PSMB1: variants seen among roughly 807,000 people sequenced by gnomAD.
PSMB1 encodes proteasome 20S subunit beta 1.
PSMB1 carries 7 observed loss-of-function variants against 25.4 expected under a neutral mutation model. The ratio of observed to expected loss-of-function variants is 0.28; its 90% confidence interval spans 0.16 to 0.52. The LOEUF is 0.52. PSMB1 is among the 20% of genes least tolerant of loss of function. The probability of loss-of-function intolerance (pLI) is 0.97; values close to 1 mark genes in which losing one functional copy is unlikely to be tolerated. For synonymous variants in PSMB1, 119 were observed against 115.0 expected, an observed-to-expected ratio of 1.03 and a Z score of -0.22; for missense variants, 284 against 302.2, an observed-to-expected ratio of 0.94 and a Z score of 0.45.
At chr6:170,542,872 A>C (rs2114977660) in intron 4 of PSMB1, among the ~76,000 whole-genome samples, 1 of 152,262 alleles carries the variant, frequency 6.6e-6, no homozygotes, top group East Asian at 1.9e-4. Context: ...GACTACTCTA[A>C]ATGACACAGA....
intron 1 of PSMB1, among the ~76,000 whole-genome samples, chr6:170,551,932 G>T (rs1778908421): frequency 6.6e-6 from 1 of 152,172 alleles, no homozygotes; most frequent in African/African-American, 2.4e-5. Context: ...AGGAAATTTA[G>T]GTTCAAGAAG....
intron 5 of PSMB1, among the ~76,000 whole-genome samples, chr6:170,535,879 G>C (rs552289579): frequency 6.6e-6 from 1 of 152,282 alleles, no homozygotes; most frequent in African/African-American, 2.4e-5. Context: ...GCAGAGTTAG[G>C]GTCTGGGTGT....
rs1778783533 is a variant in PSMB1, at chr6:170,543,750, T to C, written c.304-20A>G. 6.2e-7 allele frequency: 1 copy of C among 1,600,410 alleles called. No individual in the cohort carries two copies. The highest frequency in any genetic ancestry group is 8.5e-7 in the Non-Finnish European group (1 of 1,173,120). ...ATACATCTGCAATTATTGATAAAAG[T>C]CACAGGCATGTAGAGGCAGAGGCCA... On this transcript the variant is annotated intron_variant, in intron 3 of 5. Coordinates refer to ENST00000262193, the MANE Select transcript of PSMB1 (RefSeq NM_002793.4).
chr6:170,535,324 T>C lies in PSMB1; in HGVS notation c.622A>G (p.Ile208Val). 1.2e-6 allele frequency: 2 copies of C among 1,614,136 alleles called. No homozygotes were observed. Among genetic ancestry groups the C allele is most frequent in the Non-Finnish European group, 1.7e-6 (2 of 1,180,004 alleles). Residue 208 changes from isoleucine to valine, a missense_variant, in exon 6 of 6, where the codon ATT becomes GTT. Coordinates refer to ENST00000262193, the MANE Select transcript of PSMB1 (RefSeq NM_002793.4). ...TACACATCTCTCTCAGCCGCAGAAA[T>C]GAAGACATCTTTCACCAGCCGCATG... Reference protein sequence around the residue: ...RAMRLVKDVFISAAERDVYTG... With the variant: ...RAMRLVKDVFVSAAERDVYTG...
rs769261966 is a variant in PSMB1 at position 170,543,597 on chromosome 6, C to G, written c.433+4G>C. 8 of 1,603,944 alleles carry G rather than the reference C, an allele frequency of 5.0e-6. No individual in the cohort carries two copies. Among genetic ancestry groups the G allele is most frequent in the African/African-American group, 2.7e-5 (2 of 74,564 alleles). On this transcript the variant is annotated splice_donor_region_variant and intron_variant, in intron 4 of 5. Coordinates refer to ENST00000262193, the MANE Select transcript of PSMB1 (RefSeq NM_002793.4). ...CACCATTTTCCAGAAAGAAGGAATT[C>G]TACCTTCTTCATCAAGTCCACCGAT...
intron 4 of PSMB1, among the ~76,000 whole-genome samples, chr6:170,540,410 C>T (rs547455045): frequency 4.6e-5 from 7 of 152,046 alleles, no homozygotes; most frequent in Middle Eastern, 3.4e-3. Context: ...AGCTGCCAAC[C>T]GGGCTTCTCT....
chr6:170,542,917 C>G (rs1778773708), intron 4 of PSMB1, among the ~76,000 whole-genome samples: 1 of 152,166 alleles, frequency 6.6e-6, no homozygotes, highest in Non-Finnish European at 1.5e-5. Context: ...ATGGACTACT[C>G]TAAGTGACAA....
chr6:170,539,280 G>C (rs575710086), intron 4 of PSMB1, among the ~76,000 whole-genome samples: 1 of 152,286 alleles, frequency 6.6e-6, no homozygotes, highest in East Asian at 1.9e-4. Context: ...GCAAGAAACT[G>C]AATGTCATAA....
rs972063159 is a variant in PSMB1 at position 170,553,214 on chromosome 6, G to A, written c.29C>T (p.Ala10Val). The A allele has an allele frequency of 1.9e-6, 3 of 1,613,494 alleles. No homozygotes were observed. The highest frequency in any genetic ancestry group is 1.1e-5 in the South Asian group (1 of 90,896). MLSSTAMYSAPGRDLGMEPH... is the reference protein window; with the variant it reads MLSSTAMYSVPGRDLGMEPH... Reference sequence around the variant, plus strand: ...TTCCATCCCCAAGTCTCTGCCAGGAGCCGAATACATGGCTGTAGAGGACAA... The same window carrying A: ...TTCCATCCCCAAGTCTCTGCCAGGAACCGAATACATGGCTGTAGAGGACAA... The change falls in exon 1 of 6, where the codon GCT becomes GTT. Residue 10 changes from alanine (A) to valine (V), a missense_variant. By Grantham distance (64) the Ala-to-Val change is moderately conservative (BLOSUM62 0). Coordinates refer to ENST00000262193, the MANE Select transcript of PSMB1 (RefSeq NM_002793.4).
chr6:170,545,605 G>A (rs529559614), intron 3 of PSMB1, among the ~76,000 whole-genome samples: 27 of 152,338 alleles, frequency 1.8e-4, no homozygotes, highest in African/African-American at 6.3e-4. Context: ...CTGGTCAGGT[G>A]ACAGACGTTA....
intron 5 of PSMB1, 53 bp downstream of exon 5, chr6:170,537,181 G>C: frequency 7.1e-7 from 1 of 1,412,342 alleles, no homozygotes; most frequent in South Asian, 1.2e-5. Flanking sequence ...CACTTCAACT[G>C]AACACCATGA....
At chr6:170,535,961 A>G (rs1198062966) in intron 5 of PSMB1, among the ~76,000 whole-genome samples, 1 of 152,172 alleles carries the variant, frequency 6.6e-6, no homozygotes, top group Non-Finnish European at 1.5e-5. Context: ...CCTTCAGAAA[A>G]CTGAGCAGGA....
At chr6:170,537,987 CGAA>C (rs1778715349) in intron 4 of PSMB1, among the ~76,000 whole-genome samples, 1 of 152,146 alleles carries the variant, frequency 6.6e-6, no homozygotes, top group African/African-American at 2.4e-5. Context: ...CACAGTAAAA[CGAA>C]GAGAATTCTG....
At chr6:170,537,484 T>C (rs1778709635) in intron 4 of PSMB1, 144 bp from the exon 5 acceptor site, 5 of 642,172 alleles carry the variant, frequency 7.8e-6, no homozygotes, top group Admixed American at 4.7e-5. Flanking sequence ...ACAGCCACTG[T>C]TGCACTGGTG....
intron 1 of PSMB1, among the ~76,000 whole-genome samples, chr6:170,550,906 G>A (rs1302762430): frequency 2.9e-3 from 8 of 2,716 alleles, no homozygotes; most frequent in Admixed American, 6.1e-3. Flanking sequence ...GGAGGCTGAG[G>A]GGGGGGGGGG....
intron 4 of PSMB1, among the ~76,000 whole-genome samples, chr6:170,538,740 A>G (rs549455867): frequency 1.3e-5 from 2 of 152,360 alleles, no homozygotes; most frequent in East Asian, 3.9e-4. Flanking sequence ...TCTCTGGTGG[A>G]GAAGGCACCA....
At chr6:170,546,212 A>G in intron 2 of PSMB1, 28 bp from the exon 3 acceptor site, 1 of 1,591,542 alleles carries the variant, frequency 6.3e-7, no homozygotes, top group Non-Finnish European at 8.6e-7. Context: ...CAGAAAACTG[A>G]GCTGGTTAGA....
At chr6:170,552,027 G>A (rs1778909678) in intron 1 of PSMB1, among the ~76,000 whole-genome samples, 1 of 152,126 alleles carries the variant, frequency 6.6e-6, no homozygotes, top group Non-Finnish European at 1.5e-5. Flanking sequence ...CTCCCAAAAT[G>A]TGCATTTATA....
At chr6:170,538,824 G>A (rs954047318) in intron 4 of PSMB1, among the ~76,000 whole-genome samples, 1 of 152,188 alleles carries the variant, frequency 6.6e-6, no homozygotes, top group Admixed American at 6.5e-5. Flanking sequence ...GATCACAGCA[G>A]GCAATCCACT....
Sources: gnomAD v4.1 joint callset for allele counts (sites outside exome capture counted in the v4.1 genomes callset) on GRCh38, gnomAD v4.1.1 for gene constraint, MANE v1.5 for transcripts, NCBI Gene and HGNC (gene_info 2026-07-23, HGNC 2026-07-21) for gene names.